Variants in LINGO2 observed in about 807,000 individuals in gnomAD.
LINGO2 encodes leucine rich repeat and Ig domain containing 2.
LINGO2 carries 14 observed loss-of-function variants against 30.6 expected under a neutral mutation model. The ratio of observed to expected loss-of-function variants is 0.46; its 90% CI spans 0.30 to 0.72. LINGO2 has a LOEUF of 0.72. Ranked by LOEUF, LINGO2 falls within the 30% of genes least tolerant of loss-of-function variation. The pLI is 0.07. For missense variants in LINGO2, 729 were observed against 751.7 expected, an observed-to-expected ratio of 0.97 and a Z score of 0.35; for synonymous variants, 317 against 288.5, an observed-to-expected ratio of 1.10 and a Z score of -1.00.
chr9:28,454,948 C>T (rs1587697482), intron 2 of LINGO2, among the ~76,000 whole-genome samples: 1 of 152,084 alleles, frequency 6.6e-6, no homozygotes, highest in East Asian at 1.9e-4. Flanking sequence ...CACCTCTTAG[C>T]TTCTTTAGCT....
intron 3 of LINGO2, among the ~76,000 whole-genome samples, chr9:28,357,315 G>A (rs1587533760): frequency 3.0e-5 from 2 of 66,058 alleles, no homozygotes; most frequent in African/African-American, 9.6e-5. Context: ...CAGAAATAAA[G>A]CCCACCCCCC....
chr9:28,131,339 T>C (rs1022663172), intron 4 of LINGO2, among the ~76,000 whole-genome samples: 1 of 152,164 alleles, frequency 6.6e-6, no homozygotes, highest in Non-Finnish European at 1.5e-5. Flanking sequence ...GAACTCCTTC[T>C]TCCTTAAAAT....
chr9:28,869,380 C>A, the LINGO2 span, among the ~76,000 whole-genome samples: 2 of 151,878 alleles, frequency 1.3e-5, no homozygotes, highest in Admixed American at 1.3e-4. Context: ...AGAGACGAAG[C>A]CTGACTTCTA....
chr9:28,530,862 T>C (rs912340202), intron 1 of LINGO2, among the ~76,000 whole-genome samples: 22 of 151,906 alleles, frequency 1.4e-4, no homozygotes, highest in African/African-American at 5.1e-4. Context: ...TTGAAAAACA[T>C]CTTTTTCTGC....
chr9:28,628,111 GT>G (rs1826768164), intron 1 of LINGO2, among the ~76,000 whole-genome samples: 1 of 151,948 alleles, frequency 6.6e-6, no homozygotes, highest in Non-Finnish European at 1.5e-5. Flanking sequence ...AAAAAAGAAC[GT>G]TGTCTTCAAA....
the LINGO2 span, among the ~76,000 whole-genome samples, chr9:29,076,456 A>T: frequency 8.6e-5 from 13 of 151,620 alleles, no homozygotes; most frequent in African/African-American, 2.9e-4. Context: ...AAACTGAAAA[A>T]GGAGCAGCAA....
At chr9:27,990,461 T>TCCCC (rs1554650603) in intron 5 of LINGO2, among the ~76,000 whole-genome samples, 6 of 33,536 alleles carry the variant, frequency 1.8e-4, no homozygotes, top group Admixed American at 3.6e-4. Context: ...GTGGTCTCAA[T>TCCCC]ACCCCCCCCC....
the LINGO2 span, among the ~76,000 whole-genome samples, chr9:28,969,132 C>T: frequency 1.4e-4 from 21 of 151,934 alleles, no homozygotes; most frequent in Non-Finnish European, 2.5e-4. Context: ...TAATAATAAG[C>T]ATAGCATAGT....
intron 4 of LINGO2, among the ~76,000 whole-genome samples, chr9:28,014,184 G>C (rs138492235): frequency 3.4e-4 from 52 of 152,234 alleles, no homozygotes; most frequent in African/African-American, 8.7e-4. Flanking sequence ...TGGTGCGCTC[G>C]AGCATTTGGA....
the LINGO2 span, among the ~76,000 whole-genome samples, chr9:28,747,770 G>A: frequency 7.2e-6 from 1 of 138,846 alleles, no homozygotes; most frequent in African/African-American, 2.7e-5. Flanking sequence ...AAACATACTG[G>A]CTATTGTTAT....
intron 3 of LINGO2, among the ~76,000 whole-genome samples, chr9:28,341,513 C>G (rs1226167582): frequency 6.6e-6 from 1 of 152,070 alleles, no homozygotes; most frequent in Non-Finnish European, 1.5e-5. Flanking sequence ...GGACTCAACT[C>G]TCCATGAAAG....
At chr9:28,349,990 C>A (rs1013233038) in intron 3 of LINGO2, among the ~76,000 whole-genome samples, 2 of 152,080 alleles carry the variant, frequency 1.3e-5, no homozygotes, top group African/African-American at 2.4e-5. Context: ...AAAAGAGCTC[C>A]TGAAGGAAGC....
At chr9:28,476,679 T>G (rs1825743429) in intron 1 of LINGO2, among the ~76,000 whole-genome samples, 1 of 151,964 alleles carries the variant, frequency 6.6e-6, no homozygotes, top group Admixed American at 6.5e-5. Flanking sequence ...AAAATGGTAT[T>G]TTGTTATAAC....
At chr9:28,951,736 T>A in the LINGO2 span, among the ~76,000 whole-genome samples, 1 of 152,072 alleles carries the variant, frequency 6.6e-6, no homozygotes, top group African/African-American at 2.4e-5. Context: ...TTCATTTCGT[T>A]CCCCAAGCCC....
intron 4 of LINGO2, among the ~76,000 whole-genome samples, chr9:28,220,333 T>C (rs1820913632): frequency 6.6e-6 from 1 of 152,124 alleles, no homozygotes; most frequent in South Asian, 2.1e-4. Context: ...AGTATAATAC[T>C]GGCTTTCAGA....
chr9:28,491,701 T>A (rs1405066283), intron 1 of LINGO2, among the ~76,000 whole-genome samples: 1 of 152,216 alleles, frequency 6.6e-6, no homozygotes, highest in Non-Finnish European at 1.5e-5. Flanking sequence ...AAGTGCAATA[T>A]TTCATTTTTG....
chr9:28,760,502 TTTTAA>T, the LINGO2 span, among the ~76,000 whole-genome samples: 2 of 152,050 alleles, frequency 1.3e-5, no homozygotes, highest in African/African-American at 4.8e-5. Context: ...AAATTTTCTT[TTTTAA>T]TTTTTTATTT....
At chr9:28,919,167 T>A in the LINGO2 span, among the ~76,000 whole-genome samples, 1 of 152,162 alleles carries the variant, frequency 6.6e-6, no homozygotes, top group Non-Finnish European at 1.5e-5. Context: ...TCGCCAGATG[T>A]ACAAGTGCAC....
At chr9:28,787,805 C>T in the LINGO2 span, among the ~76,000 whole-genome samples, 2 of 152,036 alleles carry the variant, frequency 1.3e-5, no homozygotes, top group Non-Finnish European at 2.9e-5. Context: ...ATAAATATAA[C>T]TCAATAAAAA....
Sources: allele counts gnomAD v4.1 joint callset (sites outside exome capture counted in the v4.1 genomes callset), GRCh38; gene constraint gnomAD v4.1.1; transcripts MANE v1.5; gene names NCBI Gene and HGNC (gene_info 2026-07-23, HGNC 2026-07-21).